NIPSNAP2: variants seen among roughly 807,000 people sequenced by gnomAD.
NIPSNAP2 encodes the protein protein NipSnap homolog 2.
Under a neutral mutation model 48.4 loss-of-function variants are expected in NIPSNAP2, and 42 were observed. That is an observed-to-expected ratio of 0.87 (90% CI 0.68 to 1.12). The LOEUF (loss-of-function observed/expected upper bound fraction) is 1.12, where lower values mean the gene tolerates loss of function less well. NIPSNAP2 is among the 50% of genes most tolerant of loss of function. The pLI, the probability that NIPSNAP2 is intolerant of heterozygous loss-of-function variation, is 0.00. For synonymous variants in NIPSNAP2, 158 were observed against 126.6 expected (o/e 1.25, Z -1.67); for missense variants, 314 against 347.3 (o/e 0.90, Z 0.76).
intron 1 of NIPSNAP2, among the ~76,000 whole-genome samples, chr7:55,969,600 C>T (rs1229412155): frequency 6.6e-6 from 1 of 152,200 alleles, no homozygotes; most frequent in Non-Finnish European, 1.5e-5. Context: ...TGTCTGCCCT[C>T]ACCAGCAAAC....
At chr7:55,979,986 G>C (rs571494865) in intron 3 of NIPSNAP2, 1 of 390,314 alleles carries the variant, frequency 2.6e-6, no homozygotes, top group African/African-American at 2.1e-5. Context: ...CCTGGGCCCC[G>C]TTGCCAGGCC....
Position 55,978,319 on chromosome 7 carries a change from A to C in NIPSNAP2, c.233-31A>C, listed in dbSNP as rs1377558080. 4 of 1,613,132 alleles carry C rather than the reference A, an allele frequency of 2.5e-6. No individual in the cohort carries two copies. In the South Asian group the frequency reaches 4.4e-5, roughly 18 times the overall value. ...TTGACTTTTTTTCCCCTTTGTTCCTAAGTTTATCGTTGAATTTTCTTTTGT... is the reference window on the plus strand; with the variant it reads ...TTGACTTTTTTTCCCCTTTGTTCCTCAGTTTATCGTTGAATTTTCTTTTGT... On this transcript the variant is annotated intron_variant, in intron 2 of 9. Transcript: ENST00000322090.
At chr7:55,982,360 GTTT>G in intron 5 of NIPSNAP2, 80 bp downstream of exon 5, 1 of 864,256 alleles carries the variant, frequency 1.2e-6, no homozygotes, top group Non-Finnish European at 1.8e-6. Context: ...TCTGTCTTCA[GTTT>G]TTGTTAATAA....
chr7:55,987,511 C>A (rs963168165), intron 7 of NIPSNAP2, among the ~76,000 whole-genome samples: 9 of 152,040 alleles, frequency 5.9e-5, no homozygotes, highest in Non-Finnish European at 1.0e-4. Context: ...ACCTGTAGCC[C>A]CAGCTACTCA....
chr7:55,990,144 C>T (rs1363879070), intron 7 of NIPSNAP2, among the ~76,000 whole-genome samples: 1 of 151,826 alleles, frequency 6.6e-6, no homozygotes, highest in Non-Finnish European at 1.5e-5. Context: ...CTGAAGCATA[C>T]ATCTATATCT....
intron 7 of NIPSNAP2, among the ~76,000 whole-genome samples, chr7:55,993,494 G>A (rs1787492379): frequency 1.3e-5 from 2 of 151,066 alleles, no homozygotes; most frequent in Admixed American, 6.7e-5. Context: ...CAGGAAAATC[G>A]CTTGAACCCA....
intron 7 of NIPSNAP2, among the ~76,000 whole-genome samples, chr7:55,987,947 G>A (rs1037921027): frequency 3.9e-5 from 6 of 152,036 alleles, no homozygotes; most frequent in Admixed American, 6.6e-5. Flanking sequence ...CAATGTTAAC[G>A]TGTTTTTTTT....
At chr7:55,982,350 T>C in intron 5 of NIPSNAP2, 70 bp downstream of exon 5, 3 of 941,560 alleles carry the variant, frequency 3.2e-6, no homozygotes, top group Non-Finnish European at 4.9e-6. Context: ...AAATGACTTT[T>C]CTGTCTTCAG....
chr7:55,975,893 C>T (rs956289192), intron 1 of NIPSNAP2, among the ~76,000 whole-genome samples: 1 of 152,116 alleles, frequency 6.6e-6, no homozygotes, highest in Non-Finnish European at 1.5e-5. Flanking sequence ...CAAAAATTAG[C>T]CGTGCACGGT....
chr7:55,983,730 ATT>A lies in NIPSNAP2; in HGVS notation c.451_452del (p.Leu151GlyfsTer4), dbSNP rs1787268418. On this transcript the variant is annotated frameshift_variant, in exon 6 of 10. Coordinates refer to ENST00000322090, the MANE Select transcript of NIPSNAP2 (RefSeq NM_001483.3). LOFTEE classifies it high-confidence loss of function. Reference protein sequence around the residue: ...VMNKLRENKEFLEFRKARSDM... With the variant: ...VMNKLRENKEXLEFRKARSDM... ...GAGCACATTTTTTTCACTCAAAGGA[ATT>A]TTTGGAATTTCGTAAGGCAAGAAGT... 6.2e-7 allele frequency: 1 copy of A among 1,613,186 alleles called. No homozygotes were observed. Among genetic ancestry groups the A allele is most frequent in the Non-Finnish European group, 8.5e-7 (1 of 1,179,824 alleles).
In NIPSNAP2 at chr7:55,987,352, G is replaced by A. The variant is rs550471375; in HGVS notation, c.617+2474G>A. On this transcript the variant is annotated intron_variant, in intron 7 of 9. Transcript: ENST00000322090. ...AATGGATAAAGAAATTGTGGGCTGGGTGCGGTGGCTCACACCTGTAATCCC... is the reference window on the plus strand; with the variant it reads ...AATGGATAAAGAAATTGTGGGCTGGATGCGGTGGCTCACACCTGTAATCCC... Among the ~76,000 whole-genome samples, 3 of 152,244 alleles carry A rather than the reference G, an allele frequency of 2.0e-5. No homozygotes were observed. In the South Asian group the frequency reaches 6.2e-4, roughly 32 times the overall value.
intron 1 of NIPSNAP2, among the ~76,000 whole-genome samples, chr7:55,965,870 C>A (rs1786882824): frequency 6.6e-6 from 1 of 152,174 alleles, no homozygotes; most frequent in Non-Finnish European, 1.5e-5. Context: ...CGTGAATCAC[C>A]AGGCGCGGCC....
intron 7 of NIPSNAP2, among the ~76,000 whole-genome samples, chr7:55,987,912 A>G (rs535335974): frequency 9.9e-5 from 15 of 152,182 alleles, no homozygotes; most frequent in Non-Finnish European, 1.6e-4. Flanking sequence ...TGGACACTGC[A>G]TAAAAATGGG....
At position 55,999,240 on chromosome 7, in the gene NIPSNAP2, A is replaced by G. The variant is rs1313671678; in HGVS notation, c.*168A>G. 3 of 628,664 alleles carry G rather than the reference A, an allele frequency of 4.8e-6. No homozygotes were observed. The highest frequency in any genetic ancestry group is 8.4e-6 in the Non-Finnish European group (3 of 355,420). 38.9% of individuals were successfully genotyped at this position (628,664 alleles called of 1,614,324 possible). On this transcript the variant is annotated 3_prime_UTR_variant, in exon 10 of 10. Coordinates refer to ENST00000322090, the MANE Select transcript of NIPSNAP2 (RefSeq NM_001483.3). Reference sequence around the variant, plus strand: ...AATTTACATAATCACAAGAAAGGAAAGAATTACAGTTGGACTGATTGTGAC... The same window carrying G: ...AATTTACATAATCACAAGAAAGGAAGGAATTACAGTTGGACTGATTGTGAC...
chr7:55,983,663 G>A, intron 5 of NIPSNAP2, 65 bp from the exon 6 acceptor site: 1 of 1,538,330 alleles, frequency 6.5e-7, no homozygotes, highest in East Asian at 2.3e-5. Flanking sequence ...GAACATCAAT[G>A]TTACTGAAAT....
intron 7 of NIPSNAP2, 112 bp downstream of exon 7, chr7:55,984,990 C>T (rs369017119): frequency 2.7e-6 from 2 of 741,196 alleles, no homozygotes; most frequent in East Asian, 5.5e-5. Flanking sequence ...CTTAACACTG[C>T]ACTAATGTTT....
At position 55,983,876 on chromosome 7, in the gene NIPSNAP2, C is replaced by T. The variant is rs1228424492; in HGVS notation, c.585+8C>T. ...AGGTCTTACCAACTCCGAGTAAGTA[C>T]AGAAATATAAGTTATTCCTTTTACT... On this transcript the variant is annotated splice_region_variant and intron_variant, in intron 6 of 9. Coordinates refer to ENST00000322090, the MANE Select transcript of NIPSNAP2 (RefSeq NM_001483.3). The T allele has an allele frequency of 1.2e-5, 20 of 1,610,668 alleles. No homozygotes were observed. Among genetic ancestry groups the T allele is most frequent in the Non-Finnish European group, 1.5e-5 (18 of 1,178,626 alleles).
At chr7:55,987,296 T>G (rs981205123) in intron 7 of NIPSNAP2, among the ~76,000 whole-genome samples, 1 of 151,826 alleles carries the variant, frequency 6.6e-6, no homozygotes, top group Non-Finnish European at 1.5e-5. Flanking sequence ...AGCCAAGAGG[T>G]AGAAACAACC....
chr7:55,998,885 T>C, intron 9 of NIPSNAP2, 123 bp from the exon 10 acceptor site: 1 of 825,598 alleles, frequency 1.2e-6, no homozygotes, highest in African/African-American at 1.7e-5. Flanking sequence ...TCCTGTATAT[T>C]ATGATATTCT....
Sources: gnomAD v4.1 joint callset for allele counts (sites outside exome capture counted in the v4.1 genomes callset) on GRCh38, gnomAD v4.1.1 for gene constraint, MANE v1.5 for transcripts, NCBI Gene and HGNC (gene_info 2026-07-23, HGNC 2026-07-21) for gene names.